Variants in PRPS2 observed in about 807,000 individuals in gnomAD.
The protein encoded by PRPS2 is ribose-phosphate pyrophosphokinase 2.
For synonymous variants in PRPS2, 111 were observed against 115.3 expected, an observed-to-expected ratio of 0.96 and a Z score of 0.24; for missense variants, 104 against 271.5, an observed-to-expected ratio of 0.38 and a Z score of 4.34.
chrX:12,792,358 G>T (rs1235407845), intron 1 of PRPS2, among the ~76,000 whole-genome samples: 1 of 112,222 alleles, frequency 8.9e-6, no homozygotes. Context: ...CACTACTCTT[G>T]CTGCTTTAAA....
At chrX:12,809,090 CTT>C (rs893658756) in intron 2 of PRPS2, 142 bp from the exon 3 acceptor site, 9 of 492,786 alleles carry the variant, frequency 1.8e-5, no homozygotes, top group Non-Finnish European at 3.0e-5. Flanking sequence ...ATGAATATAT[CTT>C]TTGCTGTCAC....
At chrX:12,821,656 A>G (rs777991394) in intron 6 of PRPS2, among the ~76,000 whole-genome samples, 1 of 112,249 alleles carries the variant, frequency 8.9e-6, no homozygotes, top group East Asian at 2.8e-4. Context: ...AACAGACACT[A>G]TACTTGATCT....
chrX:12,820,910 T>G (rs1292779415), intron 6 of PRPS2, 107 bp downstream of exon 6: 1 of 893,964 alleles, frequency 1.1e-6, no homozygotes, highest in Non-Finnish European at 1.5e-6. Context: ...AGGCACATGC[T>G]TGGCAGAGGC....
intron 1 of PRPS2, among the ~76,000 whole-genome samples, chrX:12,794,887 G>A (rs1405480630): frequency 8.9e-6 from 1 of 111,819 alleles, no homozygotes; most frequent in South Asian, 3.8e-4. Context: ...TCTGCAAAGG[G>A]CCAAATCGTA....
At chrX:12,806,981 G>A (rs1283718525) in intron 2 of PRPS2, among the ~76,000 whole-genome samples, 4 of 109,810 alleles carry the variant, frequency 3.6e-5, no homozygotes, top group African/African-American at 1.3e-4. Context: ...CCAGCCACTC[G>A]GGAGGTGGAG....
In PRPS2 at chrX:12,792,235, TCTC is replaced by T. The variant is rs200808766; in HGVS notation, c.122+619_122+621del. On this transcript the variant is annotated intron_variant, in intron 1 of 6. Coordinates refer to ENST00000380668, the MANE Select transcript of PRPS2 (RefSeq NM_002765.5). ...AGCGATTTTACAAGCTTCCCTGGCT[TCTC>T]CTGAGCAGCCAGGGCGCAGACCACT... 6.3e-3 allele frequency among the ~76,000 whole-genome samples: 711 copies of T among 112,260 alleles called. 8 individuals are homozygous for T. Among genetic ancestry groups the T allele is most frequent in the African/African-American group, 0.022 (682 of 30,940 alleles).
intron 3 of PRPS2, 93 bp downstream of exon 3, chrX:12,809,425 C>T: frequency 1.1e-6 from 1 of 889,742 alleles, no homozygotes; most frequent in Non-Finnish European, 1.6e-6. Flanking sequence ...TTATATATGG[C>T]TACTCTCTTG....
chrX:12,811,644 C>G (rs902257213), intron 4 of PRPS2, among the ~76,000 whole-genome samples: 2 of 111,961 alleles, frequency 1.8e-5, no homozygotes, highest in African/African-American at 6.5e-5. Flanking sequence ...ATGAGAGTGA[C>G]AAGTGATCAG....
chrX:12,799,585 G>T (rs866649147), intron 2 of PRPS2, among the ~76,000 whole-genome samples, 195 bp downstream of exon 2: 12 of 112,234 alleles, frequency 1.1e-4, no homozygotes, highest in Non-Finnish European at 1.1e-4. Flanking sequence ...AAAGAAACAG[G>T]TAATGCATAT....
rs1193884386 is a variant in PRPS2 at position 12,821,699 on chromosome X, T to TA, written c.864+897dup. On this transcript the variant is annotated intron_variant, in intron 6 of 6. Transcript: ENST00000380668. ...ATAGATAAATAGATAGATACATAGA[T>TA]AGATACATACACACTCACACAGTGA... is the stretch of plus-strand genomic sequence containing the variant. Among the ~76,000 whole-genome samples, 6 of 111,600 alleles carry TA rather than the reference T, an allele frequency of 5.4e-5. No homozygotes were observed. The Admixed American group carries it at 5.7e-4, about 11-fold the overall frequency.
chrX:12,819,379 C>T (rs1391185683), intron 4 of PRPS2, 128 bp from the exon 5 acceptor site: 1 of 778,400 alleles, frequency 1.3e-6, no homozygotes, highest in Non-Finnish European at 1.9e-6. Context: ...CATGCCTGGG[C>T]TGATCAAGAG....
intron 6 of PRPS2, among the ~76,000 whole-genome samples, chrX:12,822,469 C>G (rs1394678569): frequency 8.9e-6 from 1 of 112,266 alleles, no homozygotes; most frequent in Non-Finnish European, 1.9e-5. Flanking sequence ...AGCCTTCTGT[C>G]TCTGCATTGA....
At chrX:12,806,730 G>C (rs1448855771) in intron 2 of PRPS2, among the ~76,000 whole-genome samples, 2 of 112,289 alleles carry the variant, frequency 1.8e-5, no homozygotes, top group East Asian at 5.5e-4. Flanking sequence ...GATTCTTTTT[G>C]CTGGCATCTT....
chrX:12,796,236 T>TTTTTC (rs1555902194), intron 1 of PRPS2, among the ~76,000 whole-genome samples: 5 of 72,493 alleles, frequency 6.9e-5, no homozygotes, highest in Non-Finnish European at 7.9e-5. Context: ...TTTTTTTTTT[T>TTTTTC]TGAGACAGAG....
At chrX:12,818,287 G>C (rs754548963) in intron 4 of PRPS2, among the ~76,000 whole-genome samples, 43 of 102,871 alleles carry the variant, frequency 4.2e-4, no homozygotes, top group Non-Finnish European at 6.8e-4. Context: ...AGAATCACTT[G>C]AACCCAGGAG....
intron 2 of PRPS2, among the ~76,000 whole-genome samples, chrX:12,802,629 G>A (rs1046837320): frequency 4.5e-5 from 5 of 112,337 alleles, no homozygotes; most frequent in Admixed American, 1.9e-4. Flanking sequence ...ATGAGCCATC[G>A]CGCCCAGCCG....
At chrX:12,796,011 A>T (rs1399725552) in intron 1 of PRPS2, among the ~76,000 whole-genome samples, 1 of 111,603 alleles carries the variant, frequency 9.0e-6, no homozygotes, top group Non-Finnish European at 1.9e-5. Flanking sequence ...TTTTCACAAC[A>T]TGTCAACTTG....
At chrX:12,807,103 A>G (rs1378185525) in intron 2 of PRPS2, among the ~76,000 whole-genome samples, 3 of 111,614 alleles carry the variant, frequency 2.7e-5, no homozygotes, top group East Asian at 2.8e-4. Flanking sequence ...GAGGGGGGAA[A>G]AAAAGGACAA....
intron 1 of PRPS2, among the ~76,000 whole-genome samples, chrX:12,796,852 ATTTTTTTTTTTTTTT>A (rs35240522): frequency 2.9e-5 from 1 of 34,241 alleles, no homozygotes; most frequent in Non-Finnish European, 4.8e-5. Context: ...AGTATTTCAG[ATTTTTTTTTTTTTTT>A]TTTTTTTTTT....
Sources: gnomAD v4.1 joint callset for allele counts (sites outside exome capture counted in the v4.1 genomes callset) on GRCh38, gnomAD v4.1.1 for gene constraint, MANE v1.5 for transcripts, NCBI Gene and HGNC (gene_info 2026-07-23, HGNC 2026-07-21) for gene names.